HCN1: variants seen among roughly 807,000 people sequenced by gnomAD.
HCN1 encodes potassium/sodium hyperpolarization-activated cyclic nucleotide-gated channel 1.
In HCN1, 13 loss-of-function variants were observed where a neutral mutation model predicts 78.9. The ratio of observed to expected loss-of-function variants is 0.16; its 90% confidence interval spans 0.11 to 0.26. The LOEUF is 0.26. Ranked by LOEUF, HCN1 falls within the 10% of genes least tolerant of loss-of-function variation. The probability of loss-of-function intolerance (pLI) is 1.00; values close to 1 mark genes in which losing one functional copy is unlikely to be tolerated. For synonymous variants in HCN1, 552 were observed against 455.5 expected (o/e 1.21, Z -2.70); for missense variants, 810 against 1,154.3 (o/e 0.70, Z 4.32).
chr5:45,649,582 T>G (rs1045799408), intron 1 of HCN1, among the ~76,000 whole-genome samples: 1 of 144,206 alleles, frequency 6.9e-6, no homozygotes, highest in South Asian at 2.2e-4. Flanking sequence ...CATTTGTTAG[T>G]TTTTTTTTTT....
intron 2 of HCN1, among the ~76,000 whole-genome samples, chr5:45,584,006 T>C (rs1744144540): frequency 6.6e-6 from 1 of 152,210 alleles, no homozygotes; most frequent in Non-Finnish European, 1.5e-5. Context: ...GTATATTCTG[T>C]TGATTTGGGG....
chr5:45,551,037 T>C (rs1743357876), intron 2 of HCN1, among the ~76,000 whole-genome samples: 1 of 151,994 alleles, frequency 6.6e-6, no homozygotes, highest in African/African-American at 2.4e-5. Flanking sequence ...AGCATACAGA[T>C]CTTAATAATT....
chr5:45,516,179 G>A (rs1442702950), intron 2 of HCN1, among the ~76,000 whole-genome samples: 1 of 151,852 alleles, frequency 6.6e-6, no homozygotes, highest in Admixed American at 6.6e-5. Context: ...CAATGGAGTT[G>A]ACTTATCCTC....
chr5:45,372,140 A>T (rs535737109), intron 4 of HCN1, among the ~76,000 whole-genome samples: 1,068 of 53,660 alleles, frequency 0.02, 37 homozygotes, highest in Non-Finnish European at 0.026. Flanking sequence ...ATAATATAAT[A>T]ATATATTATA....
chr5:45,390,573 T>C (rs1040603587), intron 4 of HCN1, among the ~76,000 whole-genome samples: 1 of 152,160 alleles, frequency 6.6e-6, no homozygotes, highest in Non-Finnish European at 1.5e-5. Flanking sequence ...TGCACAGTCC[T>C]GAAAATGTGA....
In HCN1 at chr5:45,257,142, C is replaced by T. The variant is rs1315399631; in HGVS notation, c.*4779G>A. On this transcript the variant is annotated 3_prime_UTR_variant, in exon 8 of 8. Transcript: ENST00000303230. ...ATTATTTTATTCCTTGTTACATTAGCAAAACAGACATTTCAATGTGAATCC... is the reference window on the plus strand; with the variant it reads ...ATTATTTTATTCCTTGTTACATTAGTAAAACAGACATTTCAATGTGAATCC... The T allele has an allele frequency of 1.3e-5, 2 of 152,236 alleles. No individual in the cohort carries two copies. Among genetic ancestry groups the T allele is most frequent in the African/African-American group, 2.4e-5 (1 of 41,538 alleles). The allele number at this position is 152,236 out of a possible 1,614,324, so 9.4% of individuals were successfully genotyped here.
intron 2 of HCN1, chr5:45,557,995 T>A (rs935602833): frequency 6.6e-6 from 1 of 152,064 alleles, no homozygotes; most frequent in African/African-American, 2.4e-5. Flanking sequence ...ATGATTGAGC[T>A]TAGTGAGGAA....
rs139246188 is a variant in HCN1, at chr5:45,546,062, A to C, written c.850-84055T>G. ...TTTGTAAATCTGTATCTACATTTGTAACTTCACCTGTAGCCTACAATGTTA... is the reference window on the plus strand; with the variant it reads ...TTTGTAAATCTGTATCTACATTTGTCACTTCACCTGTAGCCTACAATGTTA... On this transcript the variant is annotated intron_variant, in intron 2 of 7. Coordinates refer to ENST00000303230, the MANE Select transcript of HCN1 (RefSeq NM_021072.4). 2.2e-4 allele frequency among the ~76,000 whole-genome samples: 33 copies of C among 152,152 alleles called. No homozygotes were observed. The East Asian group carries it at 6.0e-3, about 28-fold the overall frequency.
intron 2 of HCN1, among the ~76,000 whole-genome samples, chr5:45,489,055 A>G (rs1741828660): frequency 1.3e-5 from 2 of 152,178 alleles, no homozygotes; most frequent in African/African-American, 4.8e-5. Context: ...TCAGACAGGT[A>G]AGGCCTCAAG....
intron 6 of HCN1, among the ~76,000 whole-genome samples, chr5:45,289,131 A>G (rs1456153490): frequency 1.3e-5 from 2 of 152,070 alleles, no homozygotes; most frequent in Non-Finnish European, 2.9e-5. Context: ...TAAAAAGCCC[A>G]TTATCTTTCC....
intron 2 of HCN1, among the ~76,000 whole-genome samples, chr5:45,579,982 T>C (rs978201311): frequency 6.6e-6 from 1 of 152,044 alleles, no homozygotes; most frequent in African/African-American, 2.4e-5. Flanking sequence ...GCAATATCCT[T>C]CCACCACATT....
At chr5:45,608,924 G>T (rs577681288) in intron 2 of HCN1, among the ~76,000 whole-genome samples, 1 of 151,944 alleles carries the variant, frequency 6.6e-6, no homozygotes, top group East Asian at 1.9e-4. Context: ...ATCAGTAGAA[G>T]AAAAAAATGG....
intron 2 of HCN1, among the ~76,000 whole-genome samples, chr5:45,491,647 A>C (rs1442239280): frequency 1.3e-5 from 2 of 152,168 alleles, no homozygotes; most frequent in Non-Finnish European, 2.9e-5. Context: ...TTGTATTTAG[A>C]CATGTGCTAT....
At chr5:45,564,765 A>G (rs541653417) in intron 2 of HCN1, among the ~76,000 whole-genome samples, 14 of 152,302 alleles carry the variant, frequency 9.2e-5, no homozygotes, top group Admixed American at 7.9e-4. Context: ...GAGATGATAA[A>G]AAGGAATAAT....
chr5:45,596,330 G>C (rs192792271), intron 2 of HCN1, among the ~76,000 whole-genome samples: 3 of 152,240 alleles, frequency 2.0e-5, no homozygotes, highest in South Asian at 4.1e-4. Context: ...CATGAACAGG[G>C]ACTTGCACAT....
intron 3 of HCN1, among the ~76,000 whole-genome samples, chr5:45,450,385 G>C (rs1270565185): frequency 6.6e-6 from 1 of 152,204 alleles, no homozygotes; most frequent in Non-Finnish European, 1.5e-5. Flanking sequence ...TAAGGAGACT[G>C]TGGTCTTAGT....
At chr5:45,393,642 A>T (rs1739627819) in intron 4 of HCN1, among the ~76,000 whole-genome samples, 1 of 152,200 alleles carries the variant, frequency 6.6e-6, no homozygotes. Flanking sequence ...ACTAAAAAAC[A>T]CTTCTGTAAG....
At chr5:45,320,115 A>T (rs533609985) in intron 5 of HCN1, among the ~76,000 whole-genome samples, 27 of 151,924 alleles carry the variant, frequency 1.8e-4, no homozygotes, top group Middle Eastern at 3.4e-3. Context: ...ACTCCAACAC[A>T]CCCTATATTT....
intron 3 of HCN1, among the ~76,000 whole-genome samples, chr5:45,403,984 T>A (rs1488154956): frequency 6.6e-6 from 1 of 152,166 alleles, no homozygotes; most frequent in Non-Finnish European, 1.5e-5. Context: ...CACAGTATTA[T>A]TACATTACAC....
Sources: allele counts gnomAD v4.1 joint callset (sites outside exome capture counted in the v4.1 genomes callset), GRCh38; gene constraint gnomAD v4.1.1; transcripts MANE v1.5; gene names NCBI Gene and HGNC (gene_info 2026-07-23, HGNC 2026-07-21).